Variants in GPR158 observed in about 807,000 individuals in gnomAD.
GPR158 encodes the protein metabotropic glycine receptor.
GPR158 carries 30 observed loss-of-function variants against 78.2 expected under a neutral mutation model. The observed-to-expected ratio is 0.38, with a 90% CI of 0.29 to 0.52. GPR158 has a LOEUF of 0.52. Ranked by LOEUF, GPR158 falls within the 20% of genes least tolerant of loss-of-function variation. The pLI is 0.83. For synonymous variants in GPR158, 581 were observed against 591.1 expected (o/e 0.98, Z 0.25); for missense variants, 1,463 against 1,523.5 (o/e 0.96, Z 0.66).
At chr10:25,276,580 G>A (rs16925537) in intron 2 of GPR158, among the ~76,000 whole-genome samples, 3,511 of 152,208 alleles carry the variant, frequency 0.023, 143 homozygotes, top group African/African-American at 0.08. Context: ...AAGAAGTGCA[G>A]TACATTACAT....
intron 2 of GPR158, among the ~76,000 whole-genome samples, chr10:25,346,404 A>G (rs535865988): frequency 9.9e-5 from 15 of 152,050 alleles, no homozygotes; most frequent in African/African-American, 3.6e-4. Context: ...TCAAAAGTAC[A>G]GGTGTCCATT....
At chr10:25,544,298 T>TG (rs1315143109) in intron 5 of GPR158, among the ~76,000 whole-genome samples, 81 of 152,074 alleles carry the variant, frequency 5.3e-4, no homozygotes, top group African/African-American at 1.9e-3. Flanking sequence ...TTATTTTTTT[T>TG]TTGTGATACA....
At chr10:25,584,064 G>T (rs1214307381) in intron 7 of GPR158, among the ~76,000 whole-genome samples, 1 of 152,134 alleles carries the variant, frequency 6.6e-6, no homozygotes, top group Non-Finnish European at 1.5e-5. Context: ...AAAGGCTATG[G>T]TAGTTAACTT....
At chr10:25,355,633 A>G (rs559679633) in intron 2 of GPR158, among the ~76,000 whole-genome samples, 27 of 151,944 alleles carry the variant, frequency 1.8e-4, no homozygotes, top group Non-Finnish European at 3.8e-4. Context: ...TGTGTCTAGC[A>G]TATTTTGGTT....
At position 25,214,900 on chromosome 10, in the gene GPR158, G is replaced by A. The variant is rs547435236; in HGVS notation, c.903-6152G>A. 1.5e-4 allele frequency among the ~76,000 whole-genome samples: 23 copies of A among 152,226 alleles called. No homozygotes were observed. In the South Asian group the frequency reaches 4.6e-3, roughly 30 times the overall value. On this transcript the variant is annotated intron_variant, in intron 1 of 10. Coordinates refer to ENST00000376351, the MANE Select transcript of GPR158 (RefSeq NM_020752.3). Reference sequence around the variant, plus strand: ...CTTAAAGAATTGTGAGAAAATAAAAGTTCTGTTGTTTAAATCACCCGGTCT... The same window carrying A: ...CTTAAAGAATTGTGAGAAAATAAAAATTCTGTTGTTTAAATCACCCGGTCT...
chr10:25,596,843 G>C, intron 10 of GPR158, 54 bp downstream of exon 10: 1 of 1,530,650 alleles, frequency 6.5e-7, no homozygotes, highest in Non-Finnish European at 9.0e-7. Flanking sequence ...TATTTATACA[G>C]GCAGGCGTGT....
intron 2 of GPR158, among the ~76,000 whole-genome samples, chr10:25,314,940 G>A (rs994692559): frequency 2.1e-5 from 3 of 145,256 alleles, no homozygotes; most frequent in Admixed American, 1.4e-4. Context: ...AGTTCAGGAG[G>A]AAGGACATTT....
intron 4 of GPR158, among the ~76,000 whole-genome samples, chr10:25,460,376 A>G (rs567328619): frequency 4.6e-5 from 7 of 152,022 alleles, no homozygotes; most frequent in Non-Finnish European, 1.0e-4. Context: ...AAATTTTTGT[A>G]TTTTTAGTAG....
intron 2 of GPR158, among the ~76,000 whole-genome samples, chr10:25,348,091 C>T (rs1029611827): frequency 1.3e-5 from 2 of 151,902 alleles, no homozygotes; most frequent in Non-Finnish European, 2.9e-5. Flanking sequence ...CCTGTGTCTA[C>T]CTGAAACCTG....
intron 2 of GPR158, among the ~76,000 whole-genome samples, chr10:25,301,292 C>A (rs902552438): frequency 1.3e-4 from 20 of 152,140 alleles, no homozygotes; most frequent in Non-Finnish European, 5.9e-5. Flanking sequence ...GACTAGAATA[C>A]CTTTTAAGAT....
intron 2 of GPR158, among the ~76,000 whole-genome samples, chr10:25,269,873 G>A (rs1340791623): frequency 3.9e-5 from 6 of 152,254 alleles, no homozygotes; most frequent in Middle Eastern, 3.4e-3. Context: ...ATGGTACCAC[G>A]CAGTTTGTTT....
In GPR158 at chr10:25,358,939, T is replaced by C. The variant is rs1195727275; in HGVS notation, c.1009-36972T>C. The stretch of plus-strand genomic sequence containing the variant: ...CTTAAGAAGAATATGTGTTCTGCTA[T>C]TGTTGAATTAAGTTTTTTCTAGGTA... On this transcript the variant is annotated intron_variant, in intron 2 of 10. Coordinates refer to ENST00000376351, the MANE Select transcript of GPR158 (RefSeq NM_020752.3). Among the ~76,000 whole-genome samples, 4 of 152,210 alleles carry C rather than the reference T, an allele frequency of 2.6e-5. No individual in the cohort carries two copies. The East Asian group carries it at 7.8e-4, about 30-fold the overall frequency.
At chr10:25,445,690 G>C (rs1367604845) in intron 4 of GPR158, among the ~76,000 whole-genome samples, 2 of 152,014 alleles carry the variant, frequency 1.3e-5, no homozygotes, top group African/African-American at 4.8e-5. Context: ...AATTTCCAAA[G>C]ACCATAGGAA....
At chr10:25,421,984 T>A (rs1239969326) in intron 4 of GPR158, among the ~76,000 whole-genome samples, 2 of 152,340 alleles carry the variant, frequency 1.3e-5, no homozygotes, top group African/African-American at 2.4e-5. Context: ...CTAACTGTAA[T>A]TTCTTGCTTT....
chr10:25,404,363 A>G (rs1315076312), intron 3 of GPR158, among the ~76,000 whole-genome samples: 8 of 152,076 alleles, frequency 5.3e-5, no homozygotes, highest in Admixed American at 6.6e-5. Flanking sequence ...ACTGTTTGCC[A>G]TTTGTGAATT....
chr10:25,186,732 T>C (rs61855479), intron 1 of GPR158, among the ~76,000 whole-genome samples: 227 of 152,246 alleles, frequency 1.5e-3, no homozygotes, highest in Non-Finnish European at 2.5e-3. Flanking sequence ...CAATAATTAA[T>C]AGCCTATCAA....
chr10:25,558,050 A>C (rs966721832), intron 6 of GPR158, among the ~76,000 whole-genome samples: 3 of 152,328 alleles, frequency 2.0e-5, no homozygotes, highest in South Asian at 2.1e-4. Flanking sequence ...TTCTCTTTTT[A>C]AAAAATATTT....
chr10:25,576,967 T>A (rs1837106597), intron 7 of GPR158, among the ~76,000 whole-genome samples: 1 of 80,326 alleles, frequency 1.2e-5, no homozygotes. Context: ...GTGACAGTGT[T>A]CTCAAAAAAA....
chr10:25,300,334 C>G (rs559567370), intron 2 of GPR158, among the ~76,000 whole-genome samples: 1 of 152,298 alleles, frequency 6.6e-6, no homozygotes, highest in East Asian at 1.9e-4. Flanking sequence ...GAGCATTCTT[C>G]CATAGTCATC....
Sources: allele counts gnomAD v4.1 joint callset (sites outside exome capture counted in the v4.1 genomes callset), GRCh38; gene constraint gnomAD v4.1.1; transcripts MANE v1.5; gene names NCBI Gene and HGNC (gene_info 2026-07-23, HGNC 2026-07-21).